The following BTBD9 variants were observed in gnomAD, a reference collection of about 807,000 sequenced individuals.
BTBD9 encodes BTB domain containing 9.
A neutral mutation model predicts 64.3 loss-of-function variants in BTBD9; 49 were observed. The ratio of observed to expected loss-of-function variants is 0.76; its 90% CI spans 0.61 to 0.97. The LOEUF is 0.97. Among genes scored for constraint, BTBD9 ranks in the 50% least tolerant of loss-of-function variants. BTBD9 has a pLI of 0.00. For synonymous variants in BTBD9, 260 were observed against 274.7 expected, an observed-to-expected ratio of 0.95 and a Z score of 0.53; for missense variants, 598 against 762.1, an observed-to-expected ratio of 0.78 and a Z score of 2.53.
At chr6:38,264,011 G>A (rs553010263) in intron 8 of BTBD9, among the ~76,000 whole-genome samples, 38 of 152,148 alleles carry the variant, frequency 2.5e-4, no homozygotes, top group Non-Finnish European at 4.9e-4. Flanking sequence ...AGGGGTGGTG[G>A]GAAACCTCCC....
At chr6:38,488,894 CT>C (rs66933448) in intron 6 of BTBD9, among the ~76,000 whole-genome samples, 89,152 of 132,614 alleles carry the variant, frequency 0.67, 29,049 homozygotes, top group African/African-American at 0.78. Flanking sequence ...TTCCTTGCAA[CT>C]TTTTTTTTTT....
chr6:38,292,062 A>G (rs947544108), intron 7 of BTBD9, among the ~76,000 whole-genome samples: 5 of 152,030 alleles, frequency 3.3e-5, no homozygotes, highest in Non-Finnish European at 7.4e-5. Flanking sequence ...GCCCAGCTCA[A>G]GCAATTCTCC....
chr6:38,347,198 C>G (rs1197030946), intron 6 of BTBD9, among the ~76,000 whole-genome samples: 2 of 152,140 alleles, frequency 1.3e-5, no homozygotes, highest in African/African-American at 2.4e-5. Flanking sequence ...CTCCTTTGCC[C>G]CGCAGTTATA....
chr6:38,577,864 A>C (rs1776124619), intron 5 of BTBD9, 145 bp from the exon 6 acceptor site: 2 of 762,678 alleles, frequency 2.6e-6, no homozygotes, highest in Non-Finnish European at 4.2e-6. Context: ...ATAACAAAAG[A>C]ATGTTATGAT....
At chr6:38,349,885 T>C (rs1362835862) in intron 6 of BTBD9, among the ~76,000 whole-genome samples, 1 of 152,232 alleles carries the variant, frequency 6.6e-6, no homozygotes, top group Non-Finnish European at 1.5e-5. Flanking sequence ...TTCCTAGCTC[T>C]GTGGCACTTC....
chr6:38,486,104 G>A (rs1771393675), intron 6 of BTBD9, among the ~76,000 whole-genome samples: 1 of 152,192 alleles, frequency 6.6e-6, no homozygotes, highest in Non-Finnish European at 1.5e-5. Flanking sequence ...ACCTCTGCTA[G>A]CTCTAAGCTT....
chr6:38,427,003 G>A (rs769253735), intron 6 of BTBD9, among the ~76,000 whole-genome samples: 5 of 151,664 alleles, frequency 3.3e-5, no homozygotes, highest in Non-Finnish European at 5.9e-5. Flanking sequence ...AGATTCCCAG[G>A]TAGCGATTCT....
intron 6 of BTBD9, among the ~76,000 whole-genome samples, chr6:38,485,281 G>A (rs192715695): frequency 4.6e-5 from 7 of 152,230 alleles, no homozygotes; most frequent in South Asian, 2.1e-4. Flanking sequence ...CACCTCTCAC[G>A]AATCACAAAT....
chr6:38,630,164 A>C (rs1199213926), intron 1 of BTBD9, among the ~76,000 whole-genome samples: 1 of 150,044 alleles, frequency 6.7e-6, no homozygotes, highest in East Asian at 2.0e-4. Context: ...AGATGGTGCC[A>C]CCGCACTCCT....
rs377011856 is a variant in BTBD9, at chr6:38,366,664, A to G, written c.1155-21571T>C. ...GCTAAACATTGAAATGCTCCTAAAC[A>G]GTATCAAGCACACAACTGTGATTGG... On this transcript the variant is annotated intron_variant, in intron 6 of 10. Coordinates refer to ENST00000481247, the MANE Select transcript of BTBD9 (RefSeq NM_001099272.2). 6.2e-4 allele frequency among the ~76,000 whole-genome samples: 95 copies of G among 152,364 alleles called. 1 individual carries two copies. In the South Asian group the frequency reaches 0.019, roughly 30 times the overall value.
At chr6:38,469,669 T>C (rs891774090) in intron 6 of BTBD9, among the ~76,000 whole-genome samples, 1 of 152,210 alleles carries the variant, frequency 6.6e-6, no homozygotes, top group African/African-American at 2.4e-5. Context: ...GTAGCCTCCT[T>C]GTCATTTAAG....
chr6:38,358,548 TG>T (rs1764821934), intron 6 of BTBD9, among the ~76,000 whole-genome samples: 1 of 152,066 alleles, frequency 6.6e-6, no homozygotes, highest in South Asian at 2.1e-4. Flanking sequence ...CTCATAGGTA[TG>T]GGGAGCAGGG....
At chr6:38,307,681 A>G (rs1762675062) in intron 7 of BTBD9, among the ~76,000 whole-genome samples, 1 of 152,136 alleles carries the variant, frequency 6.6e-6, no homozygotes, top group Non-Finnish European at 1.5e-5. Flanking sequence ...TTCCTGTTCT[A>G]GCTCCAATTT....
At chr6:38,528,776 C>T (rs574732761) in intron 6 of BTBD9, among the ~76,000 whole-genome samples, 7 of 152,296 alleles carry the variant, frequency 4.6e-5, no homozygotes, top group African/African-American at 1.7e-4. Flanking sequence ...ACAGGAATAG[C>T]CAGGCAGGCA....
intron 9 of BTBD9, among the ~76,000 whole-genome samples, chr6:38,214,798 T>C (rs547296110): frequency 1.3e-5 from 2 of 152,342 alleles, no homozygotes; most frequent in Admixed American, 6.5e-5. Context: ...ACTTCTTTAC[T>C]ACTTCATAGT....
In BTBD9 at chr6:38,372,991, A is replaced by T. The variant is rs546369676; in HGVS notation, c.1155-27898T>A. 6.5e-3 allele frequency among the ~76,000 whole-genome samples: 994 copies of T among 151,802 alleles called. 7 individuals carry two copies. The highest frequency in any genetic ancestry group is 0.023 in the African/African-American group (941 of 41,348). On this transcript the variant is annotated intron_variant, in intron 6 of 10. Transcript: ENST00000481247. ...GCATGCATTTCCTTTTTTATGGGGG[A>T]GGAAGAGAGTGAGGTCCTTTTATTG...
chr6:38,367,757 A>AAG (rs1191818939), intron 6 of BTBD9, among the ~76,000 whole-genome samples: 2 of 143,980 alleles, frequency 1.4e-5, no homozygotes, highest in Admixed American at 7.2e-5. Context: ...TTATAAAAGC[A>AAG]ATTATGTATA....
chr6:38,570,754 C>T (rs1029844551), intron 6 of BTBD9, among the ~76,000 whole-genome samples: 9 of 152,166 alleles, frequency 5.9e-5, no homozygotes, highest in African/African-American at 1.9e-4. Context: ...AACTCAAGAA[C>T]TAGCTAGCAA....
At chr6:38,481,912 C>T (rs1771166095) in intron 6 of BTBD9, 1 of 152,174 alleles carries the variant, frequency 6.6e-6, no homozygotes, top group Non-Finnish European at 1.5e-5. Flanking sequence ...ATCTGGAGTG[C>T]CCAAGGAACA....
Sources: gnomAD v4.1 joint callset for allele counts (sites outside exome capture counted in the v4.1 genomes callset) on GRCh38, gnomAD v4.1.1 for gene constraint, MANE v1.5 for transcripts, NCBI Gene and HGNC (gene_info 2026-07-23, HGNC 2026-07-21) for gene names.